MED27: variants seen among roughly 807,000 people sequenced by gnomAD.
The protein encoded by MED27 is mediator of RNA polymerase II transcription subunit 27.
A neutral mutation model predicts 38.2 loss-of-function variants in MED27; 30 were observed. That is an observed-to-expected ratio of 0.79 (90% confidence interval 0.59 to 1.07). The LOEUF (loss-of-function observed/expected upper bound fraction) is 1.07, where lower values mean the gene tolerates loss of function less well. MED27 is among the 50% of genes least tolerant of loss of function. MED27 has a pLI of 0.00. For synonymous variants in MED27, 122 were observed against 153.5 expected (o/e 0.79, Z 1.52); for missense variants, 289 against 397.5 (o/e 0.73, Z 2.32).
At chr9:131,902,228 T>C (rs1829961899) in intron 4 of MED27, among the ~76,000 whole-genome samples, 1 of 152,166 alleles carries the variant, frequency 6.6e-6, no homozygotes, top group Admixed American at 6.5e-5. Context: ...TTTAAAAAGT[T>C]AGCACTCTGA....
intron 4 of MED27, among the ~76,000 whole-genome samples, chr9:131,915,481 G>A (rs1830272989): frequency 6.6e-6 from 1 of 152,152 alleles, no homozygotes; most frequent in South Asian, 2.1e-4. Flanking sequence ...TGGGGAGGGG[G>A]AAAAGACAAG....
chr9:131,933,325 T>C (rs13301675), intron 4 of MED27, among the ~76,000 whole-genome samples: 5,757 of 152,174 alleles, frequency 0.038, 157 homozygotes, highest in Middle Eastern at 0.13. Context: ...AAATTATCCT[T>C]GTTAGCAGAT....
chr9:131,959,304 C>T (rs553384591), intron 3 of MED27, among the ~76,000 whole-genome samples: 1 of 152,106 alleles, frequency 6.6e-6, no homozygotes, highest in East Asian at 1.9e-4. Flanking sequence ...ATTTCCTGTA[C>T]AACACACATG....
intron 3 of MED27, among the ~76,000 whole-genome samples, chr9:131,952,844 C>T (rs1318996448): frequency 6.6e-6 from 1 of 152,298 alleles, no homozygotes; most frequent in South Asian, 2.1e-4. Context: ...TGCCCTAGTC[C>T]CTTATGGGTT....
intron 2 of MED27, among the ~76,000 whole-genome samples, chr9:132,047,805 T>C (rs1040421607): frequency 8.5e-5 from 13 of 152,146 alleles, no homozygotes; most frequent in African/African-American, 2.4e-4. Context: ...TCGTAAGCTA[T>C]AGTGGGAAAC....
intron 3 of MED27, among the ~76,000 whole-genome samples, chr9:131,942,322 G>C (rs1564292199): frequency 6.6e-6 from 1 of 152,154 alleles, no homozygotes; most frequent in Non-Finnish European, 1.5e-5. Flanking sequence ...ATTGCCTGAC[G>C]TTTCTTGAAA....
rs375591569 is a variant in MED27, at chr9:131,939,488, A to C, written c.480-14T>G. 20 of 1,571,564 alleles carry C rather than the reference A, an allele frequency of 1.3e-5. No homozygotes were observed. The African/African-American group carries it at 2.7e-4, about 21-fold the overall frequency. The stretch of plus-strand genomic sequence containing the variant: ...TCATCAACATATCTACATGGGAAAA[A>C]AATAAACATGTGTGAACTACAACTC... On this transcript the variant is annotated splice_polypyrimidine_tract_variant and intron_variant, in intron 3 of 7. Coordinates refer to ENST00000292035, the MANE Select transcript of MED27 (RefSeq NM_004269.4).
chr9:132,048,250 C>T (rs1318100457), intron 2 of MED27, among the ~76,000 whole-genome samples: 1 of 152,028 alleles, frequency 6.6e-6, no homozygotes, highest in Non-Finnish European at 1.5e-5. Context: ...ATAGATTTTC[C>T]AATCACAATT....
intron 3 of MED27, among the ~76,000 whole-genome samples, chr9:131,983,914 A>G (rs1025467707): frequency 8.5e-5 from 13 of 152,212 alleles, no homozygotes; most frequent in African/African-American, 3.1e-4. Context: ...TCCAGGTCAC[A>G]TATCAGGTGA....
intron 3 of MED27, among the ~76,000 whole-genome samples, chr9:131,954,351 G>C (rs912514386): frequency 8.5e-5 from 13 of 152,148 alleles, no homozygotes; most frequent in African/African-American, 3.1e-4. Context: ...TGCACGCTCA[G>C]TGGCTCCAAA....
chr9:132,011,348 T>A (rs555591864), intron 3 of MED27, among the ~76,000 whole-genome samples: 18 of 152,342 alleles, frequency 1.2e-4, no homozygotes, highest in African/African-American at 4.3e-4. Context: ...CATTATTTTT[T>A]AATGTTTTTG....
At chr9:131,908,287 G>A (rs1481540125) in intron 4 of MED27, among the ~76,000 whole-genome samples, 23 of 151,186 alleles carry the variant, frequency 1.5e-4, no homozygotes, top group Middle Eastern at 3.5e-3. Context: ...CAGCCGCCCC[G>A]TCCGGGAGGT....
chr9:131,945,353 T>C (rs1256230030), intron 3 of MED27, among the ~76,000 whole-genome samples: 1 of 152,004 alleles, frequency 6.6e-6, no homozygotes, highest in East Asian at 1.9e-4. Flanking sequence ...CCTGTTGTTT[T>C]GAAATATGCA....
chr9:131,902,876 G>C (rs1829977981), intron 4 of MED27, among the ~76,000 whole-genome samples: 1 of 152,210 alleles, frequency 6.6e-6, no homozygotes, highest in Non-Finnish European at 1.5e-5. Flanking sequence ...CAAGATGGGA[G>C]CTACAGTTCT....
At chr9:131,909,111 G>GGGAAACTAC (rs1266764198) in intron 4 of MED27, among the ~76,000 whole-genome samples, 3 of 152,150 alleles carry the variant, frequency 2.0e-5, no homozygotes, top group Admixed American at 1.3e-4. Flanking sequence ...GAGAAAAAAG[G>GGGAAACTAC]GGAAACTACG....
chr9:131,930,176 G>A (rs866515553), intron 4 of MED27, among the ~76,000 whole-genome samples: 4 of 152,282 alleles, frequency 2.6e-5, no homozygotes, highest in South Asian at 2.1e-4. Context: ...GAAAAAAGAC[G>A]GGTACAAAGT....
intron 2 of MED27, among the ~76,000 whole-genome samples, chr9:132,050,292 GACAGAAAATGGAACAGTCTGACT>G (rs1192213613): frequency 6.6e-6 from 1 of 152,196 alleles, no homozygotes; most frequent in African/African-American, 2.4e-5. Flanking sequence ...ATGTTCCAAG[GACAGAAAATGGAACAGTCTGACT>G]ACAGAAGGCA....
rs759086255 is a variant in MED27 at position 131,883,823 on chromosome 9, C to T, written c.723+235G>A. 3.9e-5 allele frequency among the ~76,000 whole-genome samples: 6 copies of T among 152,204 alleles called. No individual in the cohort carries two copies. Among genetic ancestry groups the T allele is most frequent in the Non-Finnish European group, 7.3e-5 (5 of 68,048 alleles). Reference sequence around the variant, plus strand: ...CCCACCACCCCACACTCCCTTGTGCCCCTTTGGGGCCAAGTCCCTGTACCC... The same window carrying T: ...CCCACCACCCCACACTCCCTTGTGCTCCTTTGGGGCCAAGTCCCTGTACCC... On this transcript the variant is annotated intron_variant, in intron 6 of 7. Coordinates refer to ENST00000292035, the MANE Select transcript of MED27 (RefSeq NM_004269.4). This position sits in a 1 kb window ranked among gnomAD's most constrained non-coding sequence, Gnocchi z 4.2.
intron 6 of MED27, among the ~76,000 whole-genome samples, chr9:131,864,857 G>A (rs966268560): frequency 4.6e-5 from 7 of 152,236 alleles, no homozygotes; most frequent in Admixed American, 2.0e-4. Flanking sequence ...AGTAAGGCTC[G>A]TGAGAGGACA....
Sources: gnomAD v4.1 joint callset for allele counts (sites outside exome capture counted in the v4.1 genomes callset) on GRCh38, gnomAD v4.1.1 for gene constraint, Gnocchi (gnomAD v3.1) non-coding constraint, MANE v1.5 for transcripts, NCBI Gene and HGNC (gene_info 2026-07-23, HGNC 2026-07-21) for gene names.